Variants in EXD2 observed in about 807,000 individuals in gnomAD.
EXD2 encodes the protein exonuclease 3'-5' domain containing 2.
In EXD2, 40 loss-of-function variants were observed where a neutral mutation model predicts 62.5. The ratio of observed to expected loss-of-function variants is 0.64; its 90% CI spans 0.50 to 0.83. The LOEUF (loss-of-function observed/expected upper bound fraction) is 0.83, where lower values mean the gene tolerates loss of function less well. Ranked by LOEUF, EXD2 falls within the 40% of genes least tolerant of loss-of-function variation. The probability of loss-of-function intolerance (pLI) is 0.00; values close to 1 mark genes in which losing one functional copy is unlikely to be tolerated. For synonymous variants in EXD2, 239 were observed against 291.9 expected, an observed-to-expected ratio of 0.82 and a Z score of 1.85; for missense variants, 671 against 761.8, an observed-to-expected ratio of 0.88 and a Z score of 1.40.
intron 6 of EXD2, 62 bp from the exon 7 acceptor site, chr14:69,235,984 C>G: frequency 6.6e-6 from 8 of 1,219,252 alleles, no homozygotes; most frequent in Non-Finnish European, 9.7e-6. Flanking sequence ...CATGGGAAGG[C>G]AACAGACATT....
intron 1 of EXD2, among the ~76,000 whole-genome samples, chr14:69,198,823 C>T (rs539330370): frequency 6.6e-6 from 1 of 152,340 alleles, no homozygotes; most frequent in African/African-American, 2.4e-5. Flanking sequence ...TAGCTTATTA[C>T]TCCTAGGCTA....
intron 4 of EXD2, among the ~76,000 whole-genome samples, chr14:69,229,666 C>T (rs1003969056): frequency 5.9e-5 from 9 of 152,240 alleles, no homozygotes; most frequent in Non-Finnish European, 8.8e-5. Context: ...AGAGAGATTT[C>T]CTTTAGAATT....
chr14:69,204,506 G>A (rs1249824590), intron 2 of EXD2, among the ~76,000 whole-genome samples: 1 of 152,142 alleles, frequency 6.6e-6, no homozygotes, highest in East Asian at 1.9e-4. Context: ...GCTGCAGTGA[G>A]CCGTGATTGT....
At chr14:69,235,869 A>C in intron 6 of EXD2, 177 bp from the exon 7 acceptor site, 1 of 646,520 alleles carries the variant, frequency 1.5e-6, no homozygotes, top group Non-Finnish European at 2.8e-6. Context: ...TCTGTTTCCT[A>C]GCCCAGTGCA....
Position 69,205,834 on chromosome 14 carries a change from A to T in EXD2, c.-48+1834A>T, listed in dbSNP as rs549492706. ...ATTTCTTGGCTTAGGGTTCCCTTTTATGAGGATAATGTGAACTTGGGCCTT... is the reference window on the plus strand; with the variant it reads ...ATTTCTTGGCTTAGGGTTCCCTTTTTTGAGGATAATGTGAACTTGGGCCTT... On this transcript the variant is annotated intron_variant, in intron 2 of 9. Coordinates refer to ENST00000685843, the MANE Select transcript of EXD2 (RefSeq NM_001193360.2). Among the ~76,000 whole-genome samples, 220 of 152,194 alleles carry T rather than the reference A, an allele frequency of 1.4e-3. 1 individual carries two copies. The highest frequency in any genetic ancestry group is 5.1e-3 in the African/African-American group (210 of 41,536).
rs139817237 is a variant in EXD2, at chr14:69,198,573, A to G, written c.-131-5344A>G. ...ATCTACTCATTCCAGCATCATCTCT[A>G]TTTCCTTACTTGCACATTATATTTT... On this transcript the variant is annotated intron_variant, in intron 1 of 9. Transcript: ENST00000685843. Among the ~76,000 whole-genome samples the G allele has an allele frequency of 2.8e-4, 43 of 152,264 alleles. 1 individual carries two copies. Among genetic ancestry groups the G allele is most frequent in the African/African-American group, 9.9e-4 (41 of 41,556 alleles).
intron 8 of EXD2, 135 bp from the exon 9 acceptor site, chr14:69,237,440 T>A (rs372279248): frequency 5.5e-5 from 40 of 727,432 alleles, no homozygotes; most frequent in Admixed American, 2.1e-4. Context: ...TTCTGTGATC[T>A]GTGTTGGGCG....
chr14:69,214,979 A>G (rs1047199128), intron 3 of EXD2, among the ~76,000 whole-genome samples: 3 of 151,944 alleles, frequency 2.0e-5, no homozygotes, highest in Admixed American at 6.6e-5. Flanking sequence ...ACATTTATAT[A>G]TATATATAAA....
intron 1 of EXD2, among the ~76,000 whole-genome samples, chr14:69,195,680 T>C (rs1210660846): frequency 6.6e-6 from 1 of 152,182 alleles, no homozygotes; most frequent in Non-Finnish European, 1.5e-5. Flanking sequence ...TCCCTATCCC[T>C]GACTCCCCTG....
chr14:69,203,546 A>C, intron 1 of EXD2, among the ~76,000 whole-genome samples: 1 of 152,202 alleles, frequency 6.6e-6, no homozygotes, highest in East Asian at 1.9e-4. Flanking sequence ...GAGGGAGTAA[A>C]CACTTGTCAT....
chr14:69,231,651 G>T, intron 5 of EXD2, among the ~76,000 whole-genome samples: 1 of 152,036 alleles, frequency 6.6e-6, no homozygotes, highest in East Asian at 1.9e-4. Flanking sequence ...ACACACGTCA[G>T]GTCACTTACT....
rs2044014579 is a variant in EXD2, at chr14:69,242,818, T to C, written c.*1718T>C. On this transcript the variant is annotated 3_prime_UTR_variant, in exon 10 of 10. Transcript: ENST00000685843. ...CATAGATTTGTTTTTATATTCATTCTTGAGAAAAAAGCAACTGGTTACTGA... is the reference window on the plus strand; with the variant it reads ...CATAGATTTGTTTTTATATTCATTCCTGAGAAAAAAGCAACTGGTTACTGA... 1 of 152,220 alleles carries C rather than the reference T, an allele frequency of 6.6e-6. No homozygotes were observed. The highest frequency in any genetic ancestry group is 6.5e-5 in the Admixed American group (1 of 15,282). The allele number at this position is 152,220 out of a possible 1,614,324, so 9.4% of individuals were successfully genotyped here. A position where few individuals can be genotyped will look rare whatever the true frequency, so the allele number is the denominator to read the frequency against.
rs2043973931 is a variant in EXD2, at chr14:69,241,167, C to A, written c.*67C>A. 2 of 1,243,362 alleles carry A rather than the reference C, an allele frequency of 1.6e-6. No homozygotes were observed. Among genetic ancestry groups the A allele is most frequent in the South Asian group, 1.3e-5 (1 of 75,562 alleles). The allele number at this position is 1,243,362 out of a possible 1,614,324, so 77.0% of individuals were successfully genotyped here. ...CCAAGGTTGAAGAGTCACCTCTTCC[C>A]ATTTTAGTACATCATTAATTGTCAA... On this transcript the variant is annotated 3_prime_UTR_variant, in exon 10 of 10. Transcript: ENST00000685843.
chr14:69,221,444 TA>T (rs1423965125), intron 3 of EXD2, among the ~76,000 whole-genome samples: 1 of 152,204 alleles, frequency 6.6e-6, no homozygotes, highest in Non-Finnish European at 1.5e-5. Flanking sequence ...ATTTATCATC[TA>T]AATATGTTAT....
intron 3 of EXD2, among the ~76,000 whole-genome samples, chr14:69,224,623 AT>A (rs199975954): frequency 0.035 from 5,347 of 152,098 alleles, 119 homozygotes; most frequent in Middle Eastern, 0.14. Flanking sequence ...TCACCAAAAT[AT>A]TTTTTTTAAA....
intron 5 of EXD2, among the ~76,000 whole-genome samples, chr14:69,232,602 C>T (rs935449042): frequency 5.3e-5 from 8 of 152,134 alleles, no homozygotes; most frequent in South Asian, 2.1e-4. Context: ...AGGTGTGAAG[C>T]GGTATTTCAT....
At position 69,243,640 on chromosome 14, in the gene EXD2, T is replaced by G. The variant is rs1013651898; in HGVS notation, c.*2540T>G. ...AGTTTCTTGTATATATCTCTTTGGC[T>G]CTATCTTTGGTAATTTCTTAAGAAT... is the stretch of plus-strand genomic sequence containing the variant. On this transcript the variant is annotated 3_prime_UTR_variant, in exon 10 of 10. Transcript: ENST00000685843. 2 of 152,250 alleles carry G rather than the reference T, an allele frequency of 1.3e-5. No individual in the cohort carries two copies. The highest frequency in any genetic ancestry group is 3.8e-4 in the East Asian group (2 of 5,206). 9.4% of individuals were successfully genotyped at this position (152,250 alleles called of 1,614,324 possible).
At chr14:69,219,236 T>G (rs1156588938) in intron 3 of EXD2, among the ~76,000 whole-genome samples, 4 of 152,216 alleles carry the variant, frequency 2.6e-5, no homozygotes, top group Admixed American at 2.0e-4. Context: ...CCCTTGTAAG[T>G]TGGATTCCTA....
At chr14:69,234,500 G>A (rs1293975544) in intron 5 of EXD2, among the ~76,000 whole-genome samples, 200 bp from the exon 6 acceptor site, 1 of 152,172 alleles carries the variant, frequency 6.6e-6, no homozygotes, top group African/African-American at 2.4e-5. Flanking sequence ...GAACATGAGA[G>A]TTAATCATAC....
Sources: allele counts gnomAD v4.1 joint callset (sites outside exome capture counted in the v4.1 genomes callset), GRCh38; gene constraint gnomAD v4.1.1; transcripts MANE v1.5; gene names NCBI Gene and HGNC (gene_info 2026-07-23, HGNC 2026-07-21).